The following GINS4 variants were observed in gnomAD, a reference collection of about 807,000 sequenced individuals.
GINS4 encodes GINS complex subunit 4.
In GINS4, 20 loss-of-function variants were observed where a neutral mutation model predicts 31.1. The observed-to-expected ratio is 0.64, with a 90% CI of 0.45 to 0.93. The LOEUF is 0.93. GINS4 is among the 40% of genes least tolerant of loss of function. The pLI is 0.00. For synonymous variants in GINS4, 85 were observed against 97.9 expected (o/e 0.87, Z 0.78); for missense variants, 245 against 273.9 (o/e 0.89, Z 0.75).
At chr8:41,537,547 C>A in intron 4 of GINS4, 1 of 391,170 alleles carries the variant, frequency 2.6e-6, no homozygotes, top group Non-Finnish European at 4.7e-6. Flanking sequence ...GAGTGGTTCC[C>A]CCTTGCGTTA....
chr8:41,535,263 G>A (rs1236850401), intron 2 of GINS4, among the ~76,000 whole-genome samples: 6 of 152,116 alleles, frequency 3.9e-5, no homozygotes, highest in African/African-American at 1.2e-4. Context: ...ACTTGAACCC[G>A]AGAGGCAGAG....
At chr8:41,534,165 G>A in intron 2 of GINS4, 1 of 287,890 alleles carries the variant, frequency 3.5e-6, no homozygotes, top group Non-Finnish European at 7.1e-6. Flanking sequence ...CACTTCTGGA[G>A]GCTAATGCAG....
chr8:41,539,880 G>T (rs1451115031), intron 5 of GINS4, 36 bp from the exon 6 acceptor site: 1 of 1,602,116 alleles, frequency 6.2e-7, no homozygotes, highest in Non-Finnish European at 8.6e-7. Flanking sequence ...TCCATCAGCT[G>T]TGTACACCAC....
intron 5 of GINS4, 43 bp from the exon 6 acceptor site, chr8:41,539,873 A>C (rs754878809): frequency 6.3e-7 from 1 of 1,597,552 alleles, no homozygotes; most frequent in Non-Finnish European, 8.6e-7. Flanking sequence ...TTGGACGTCC[A>C]TCAGCTGTGT....
intron 6 of GINS4, 98 bp from the exon 7 acceptor site, chr8:41,541,711 T>C: frequency 1.1e-6 from 1 of 903,594 alleles, no homozygotes; most frequent in East Asian, 2.4e-5. Context: ...GGCTCCTATC[T>C]AAACCCTGAG....
chr8:41,529,612 T>C (rs1446157607), intron 1 of GINS4: 1 of 152,324 alleles, frequency 6.6e-6, no homozygotes, highest in Non-Finnish European at 1.5e-5. Flanking sequence ...TTCCTAACAA[T>C]TTTTGTTTTT....
intron 6 of GINS4, 57 bp from the exon 7 acceptor site, chr8:41,541,752 A>T: frequency 7.1e-7 from 1 of 1,401,646 alleles, no homozygotes; most frequent in Non-Finnish European, 1.0e-6. Flanking sequence ...AGCAACTTTT[A>T]CTTTGTTGAC....
intron 2 of GINS4, among the ~76,000 whole-genome samples, chr8:41,535,290 A>G (rs955486838): frequency 1.3e-5 from 2 of 152,194 alleles, no homozygotes; most frequent in Non-Finnish European, 2.9e-5. Context: ...GTGAGCTGGG[A>G]TCATGCCTCT....
chr8:41,541,942 T>G, intron 7 of GINS4, 43 bp downstream of exon 7: 1 of 1,609,374 alleles, frequency 6.2e-7, no homozygotes, highest in Non-Finnish European at 8.5e-7. Context: ...TTCCTCCCGA[T>G]GGAGGGCCAG....
rs543758987 is a variant in GINS4, at chr8:41,529,967, G to A, written c.-19-217G>A. ...CTCAGCTCTTGGTGGACAGAAGTAA[G>A]GGGGAGGCTTGTTTGAGAAACGGAT... On this transcript the variant is annotated intron_variant, in intron 1 of 7. Transcript: ENST00000276533. The A allele has an allele frequency of 1.4e-4, 67 of 490,868 alleles. 4 individuals carry two copies. The highest frequency in any genetic ancestry group is 3.6e-4 in the South Asian group (14 of 39,082). The allele number at this position is 490,868 out of a possible 1,614,324, so 30.4% of individuals were successfully genotyped here. A position where few individuals can be genotyped will look rare whatever the true frequency, so the allele number is the denominator to read the frequency against.
chr8:41,541,869 T>C lies in GINS4; in HGVS notation c.545T>C (p.Ile182Thr). 6.2e-7 allele frequency: 1 copy of C among 1,614,166 alleles called. No homozygotes were observed. ...AGAGTGAGAGAACGACAAGAAAACA[T>C]ACTGGTAGAACCAGACACAGATGAG... ...FLRVRERQEN[I>T]LVEPDTDEQR... Residue 182 changes from isoleucine to threonine, a missense_variant, in exon 7 of 8, where the codon ATA (isoleucine) becomes ACA (threonine). By Grantham distance (89) the Ile-to-Thr change is moderately conservative. Coordinates refer to ENST00000276533, the MANE Select transcript of GINS4 (RefSeq NM_032336.3).
intron 1 of GINS4, 58 bp downstream of exon 1, chr8:41,529,454 G>C (rs1404335764): frequency 2.6e-5 from 4 of 152,308 alleles, no homozygotes; most frequent in Admixed American, 2.6e-4. Context: ...GGCACTGAGA[G>C]GGAGGAGGGG....
chr8:41,531,803 G>A (rs977401252), intron 2 of GINS4, among the ~76,000 whole-genome samples: 4 of 152,100 alleles, frequency 2.6e-5, no homozygotes, highest in Non-Finnish European at 4.4e-5. Context: ...AAAATCAAAA[G>A]GCACATAGCA....
rs1806880727 is a variant in GINS4, at chr8:41,543,534, G to A, written c.*1447G>A. 2 of 152,212 alleles carry A rather than the reference G, an allele frequency of 1.3e-5. No homozygotes were observed. 9.4% of individuals were successfully genotyped at this position (152,212 alleles called of 1,614,324 possible). A position where few individuals can be genotyped will look rare whatever the true frequency, so the allele number is the denominator to read the frequency against. On this transcript the variant is annotated 3_prime_UTR_variant, in exon 8 of 8. Coordinates refer to ENST00000276533, the MANE Select transcript of GINS4 (RefSeq NM_032336.3). ...CCGGAAGGAAGGATGTATAGGCAGT[G>A]AATGAATGATCTTTCCTTGAAATGC...
intron 3 of GINS4, 70 bp downstream of exon 3, chr8:41,536,516 C>A: frequency 1.1e-6 from 1 of 880,392 alleles, no homozygotes. Context: ...ACACTGAGAG[C>A]TTGTGGTCTG....
At chr8:41,537,505 G>A (rs538537903) in intron 4 of GINS4, 15 of 498,614 alleles carry the variant, frequency 3.0e-5, no homozygotes, top group Non-Finnish European at 5.0e-5. Flanking sequence ...CGGGGACACC[G>A]CACACATTTT....
intron 6 of GINS4, among the ~76,000 whole-genome samples, chr8:41,540,687 T>C (rs571857036): frequency 6.6e-6 from 1 of 152,198 alleles, no homozygotes; most frequent in Non-Finnish European, 1.5e-5. Flanking sequence ...TGTTTCACAG[T>C]GCGCCAGATC....
intron 2 of GINS4, among the ~76,000 whole-genome samples, chr8:41,534,881 C>A (rs147086484): frequency 6.6e-6 from 1 of 152,094 alleles, no homozygotes; most frequent in Non-Finnish European, 1.5e-5. Flanking sequence ...AGGCGTGCCA[C>A]GCCCGGCTAA....
rs753568737 is a variant in GINS4 at position 41,541,801 on chromosome 8, C to T, written c.485-8C>T. On this transcript the variant is annotated splice_polypyrimidine_tract_variant and splice_region_variant and intron_variant, in intron 6 of 7. Coordinates refer to ENST00000276533, the MANE Select transcript of GINS4 (RefSeq NM_032336.3). ...GATTTCCTAATCACATTGTTGTTTT[C>T]CTGGCAGTTCCCAAACCAGATCTAG... 1.2e-6 allele frequency: 2 copies of T among 1,610,846 alleles called. No homozygotes were observed. The highest frequency in any genetic ancestry group is 8.5e-7 in the Non-Finnish European group (1 of 1,177,540).
Sources: allele counts gnomAD v4.1 joint callset (sites outside exome capture counted in the v4.1 genomes callset), GRCh38; gene constraint gnomAD v4.1.1; transcripts MANE v1.5; gene names NCBI Gene and HGNC (gene_info 2026-07-23, HGNC 2026-07-21).